The following STARD9 variants were observed in gnomAD, a reference collection of about 807,000 sequenced individuals.
The protein encoded by STARD9 is StAR related lipid transfer domain containing 9.
Under a neutral mutation model 399.8 loss-of-function variants are expected in STARD9, and 346 were observed. That is an observed-to-expected ratio of 0.87 (90% CI 0.79 to 0.95). The LOEUF is 0.95. Ranked by LOEUF, STARD9 falls within the 40% of genes least tolerant of loss-of-function variation. The probability of loss-of-function intolerance (pLI) is 0.00; values close to 1 mark genes in which losing one functional copy is unlikely to be tolerated. For missense variants in STARD9, 5,832 were observed against 5,667.5 expected (o/e 1.03, Z -0.93); for synonymous variants, 2,203 against 2,143.5 (o/e 1.03, Z -0.77).
At chr15:42,620,722 T>G (rs1246499969) in intron 3 of STARD9, among the ~76,000 whole-genome samples, 1 of 139,558 alleles carries the variant, frequency 7.2e-6, no homozygotes, top group Admixed American at 7.1e-5. Context: ...TTTTGTAGAA[T>G]GTCCCTTTTA....
At chr15:42,656,699 T>C (rs926489373) in intron 9 of STARD9, among the ~76,000 whole-genome samples, 1 of 152,198 alleles carries the variant, frequency 6.6e-6, no homozygotes, top group African/African-American at 2.4e-5. Flanking sequence ...TTGGAGACCA[T>C]TATTCTAAGT....
chr15:42,602,516 C>A (rs2058649016), intron 3 of STARD9, among the ~76,000 whole-genome samples: 1 of 152,214 alleles, frequency 6.6e-6, no homozygotes, highest in South Asian at 2.1e-4. Context: ...GCAGGCTGAG[C>A]ACTGACTCAA....
chr15:42,699,614 C>A (rs931678811), intron 26 of STARD9, among the ~76,000 whole-genome samples: 9 of 151,760 alleles, frequency 5.9e-5, no homozygotes, highest in East Asian at 1.9e-4. Flanking sequence ...AGGATGGTCT[C>A]GATTTCCTGA....
In STARD9 at chr15:42,669,312, C is replaced by T; in HGVS notation, c.1472C>T (p.Thr491Ile). The T allele has an allele frequency of 6.5e-7, 1 of 1,531,506 alleles. No homozygotes were observed. The highest frequency in any genetic ancestry group is 8.8e-7 in the Non-Finnish European group (1 of 1,142,214). 94.9% of individuals were successfully genotyped at this position (1,531,506 alleles called of 1,614,324 possible). ...LMALEDDVLS[T>I]GVVLYHLKEG... Reference sequence around the variant, plus strand: ...GCCTTGGAGGATGATGTGCTCAGCACAGGTGTTGTGCTCTATCATCTCAAG... The same window carrying T: ...GCCTTGGAGGATGATGTGCTCAGCATAGGTGTTGTGCTCTATCATCTCAAG... Residue 491 changes from threonine to isoleucine, a missense_variant, in exon 16 of 33, where the codon ACA (threonine) becomes ATA (isoleucine). Physicochemically the swap from Thr to Ile is moderately conservative, Grantham distance 89. Coordinates refer to ENST00000290607, the MANE Select transcript of STARD9 (RefSeq NM_020759.3).
chr15:42,651,712 A>G (rs1327118666), intron 8 of STARD9, among the ~76,000 whole-genome samples: 2 of 152,150 alleles, frequency 1.3e-5, no homozygotes, highest in African/African-American at 4.8e-5. Context: ...TTAATTGAAC[A>G]TAAAGGAAGA....
chr15:42,618,673 C>T (rs914342544), intron 3 of STARD9, among the ~76,000 whole-genome samples: 17 of 151,282 alleles, frequency 1.1e-4, no homozygotes, highest in East Asian at 1.9e-4. Context: ...CTCGGCTCAC[C>T]GCAACCTCTG....
chr15:42,686,187 A>C lies in STARD9; in HGVS notation c.4609A>C (p.Arg1537=). The change falls in exon 23 of 33, where the codon AGG becomes CGG. Residue 1537 remains arginine (R), a synonymous_variant. Transcript: ENST00000290607. ...AGATACTCTATTGCCAGTTGGCCCT[A>C]GGGTATCTAGCAATCTGAATCTCAA... ...GGDTLLPVGP[R]VSSNLNLNNF... 6.5e-7 allele frequency: 1 copy of C among 1,537,538 alleles called. No homozygotes were observed. Among genetic ancestry groups the C allele is most frequent in the Non-Finnish European group, 8.7e-7 (1 of 1,146,954 alleles).
intron 3 of STARD9, among the ~76,000 whole-genome samples, chr15:42,626,443 C>T (rs1284161879): frequency 1.3e-5 from 2 of 151,120 alleles, no homozygotes; most frequent in South Asian, 2.1e-4. Flanking sequence ...TCTTCCTTCT[C>T]CTCCTCCTCT....
chr15:42,664,833 G>A lies in STARD9; in HGVS notation c.1177-420G>A, dbSNP rs185447522. 3.8e-3 allele frequency among the ~76,000 whole-genome samples: 562 copies of A among 149,410 alleles called. 2 individuals carry two copies. The highest frequency in any genetic ancestry group is 0.013 in the African/African-American group (535 of 40,424). ...ACACACACACACACACACCCCATAC[G>A]TACACTGTTTTAAAAAGGCAATGTA... is the stretch of plus-strand genomic sequence containing the variant. On this transcript the variant is annotated intron_variant, in intron 13 of 32. Coordinates refer to ENST00000290607, the MANE Select transcript of STARD9 (RefSeq NM_020759.3).
At chr15:42,662,459 A>G (rs756754616) in intron 10 of STARD9, among the ~76,000 whole-genome samples, 14 of 152,230 alleles carry the variant, frequency 9.2e-5, no homozygotes, top group Admixed American at 2.6e-4. Context: ...AACTATAAAT[A>G]TAGGAATTTA....
rs1466989524 is a variant in STARD9, at chr15:42,693,263, CAG to C, written c.11686_11687del (p.Arg3896GlyfsTer9). On this transcript the variant is annotated frameshift_variant, in exon 23 of 33. Coordinates refer to ENST00000290607, the MANE Select transcript of STARD9 (RefSeq NM_020759.3). LOFTEE classifies it high-confidence loss of function. Reference sequence around the variant, plus strand: ...GCCCCACAAGTGCTTTGTTCGTGGACAGGGCCTCCTCCCCAATCCTCACTCTT... The same window carrying C: ...GCCCCACAAGTGCTTTGTTCGTGGACGGCCTCCTCCCCAATCCTCACTCTT... ...LGPTSALFVD[R>X]ASSPILTLSA... The C allele has an allele frequency of 6.5e-7, 1 of 1,537,076 alleles. No individual in the cohort carries two copies. Among genetic ancestry groups the C allele is most frequent in the Non-Finnish European group, 8.7e-7 (1 of 1,146,866 alleles).
Position 42,718,181 on chromosome 15 carries a change from T to C in STARD9, c.13762+2T>C. On this transcript the variant is annotated splice_donor_variant, in intron 30 of 32. Transcript: ENST00000290607. LOFTEE classifies it high-confidence loss of function. The stretch of plus-strand genomic sequence containing the variant: ...GAGTGACCAACAGCATCAGCCTGGG[T>C]GAGCCCAGGGAAGGAAGGCTTCCAT... 1 of 1,536,082 alleles carries C rather than the reference T, an allele frequency of 6.5e-7. No individual in the cohort carries two copies. Among genetic ancestry groups the C allele is most frequent in the Non-Finnish European group, 8.7e-7 (1 of 1,146,390 alleles).
chr15:42,654,357 TCA>T (rs2059821667), intron 9 of STARD9, among the ~76,000 whole-genome samples: 1 of 149,866 alleles, frequency 6.7e-6, no homozygotes. Flanking sequence ...CACCTTAGAA[TCA>T]CAGACACAGG....
chr15:42,593,779 T>C (rs185405546), intron 3 of STARD9, among the ~76,000 whole-genome samples: 348 of 148,040 alleles, frequency 2.4e-3, no homozygotes, highest in Non-Finnish European at 1.7e-3. Context: ...TTCTCCTGTC[T>C]CAGCCTCCTG....
Position 42,691,206 on chromosome 15 carries a change from C to T in STARD9, c.9628C>T (p.Gln3210Ter). 6.5e-7 allele frequency: 1 copy of T among 1,537,262 alleles called. No homozygotes were observed. The highest frequency in any genetic ancestry group is 1.2e-5 in the South Asian group (1 of 84,054). The stretch of plus-strand genomic sequence containing the variant: ...CAGCCCCCAGGAAGACAGTCCCTGG[C>T]AGGAAGAAGAGCAGCACAGAGACCA... ...TCSPQEDSPW[Q>*]EEEQHRDQAS... The change falls in exon 23 of 33, where the codon CAG (glutamine) becomes TAG (stop). Residue 3210 changes from glutamine to a stop codon, truncating the protein, a stop_gained. Coordinates refer to ENST00000290607, the MANE Select transcript of STARD9 (RefSeq NM_020759.3). LOFTEE classifies it high-confidence loss of function.
intron 26 of STARD9, among the ~76,000 whole-genome samples, chr15:42,709,355 T>A (rs1010836118): frequency 6.6e-5 from 10 of 152,104 alleles, no homozygotes; most frequent in Admixed American, 6.6e-4. Context: ...CATGATTACA[T>A]CATTGGCCTT....
chr15:42,610,651 C>T (rs1310376470), intron 3 of STARD9, among the ~76,000 whole-genome samples: 1 of 152,092 alleles, frequency 6.6e-6, no homozygotes, highest in African/African-American at 2.4e-5. Context: ...CGGGTTCAAG[C>T]TTCTCCTGCC....
Position 42,687,399 on chromosome 15 carries a change from G to A in STARD9, c.5821G>A (p.Gly1941Arg), listed in dbSNP as rs753906237. 15 of 1,536,728 alleles carry A rather than the reference G, an allele frequency of 9.8e-6. No individual in the cohort carries two copies. The African/African-American group carries it at 1.6e-4, about 17-fold the overall frequency. Residue 1941 changes from glycine (G) to arginine (R), a missense_variant, in exon 23 of 33, where the codon GGG becomes AGG. Gly to Arg is a moderately radical substitution (Grantham distance 125, BLOSUM62 -2). This residue lies in a region of STARD9 where 5,828 missense variants were observed against 5,651.1 expected (regional missense o/e 1.03). Coordinates refer to ENST00000290607, the MANE Select transcript of STARD9 (RefSeq NM_020759.3). Reference protein sequence around the residue: ...INVSLEKDMPGESAVSLKSRS... With the variant: ...INVSLEKDMPRESAVSLKSRS... ...TGTAAGCCTTGAGAAAGACATGCCA[G>A]GGGAAAGTGCTGTTTCTTTGAAATC...
At chr15:42,581,667 C>T (rs1422709902) in intron 1 of STARD9, among the ~76,000 whole-genome samples, 4 of 106,256 alleles carry the variant, frequency 3.8e-5, no homozygotes, top group Admixed American at 2.9e-4. Flanking sequence ...CGCCAGCAGC[C>T]TCAGCAGCAG....
Sources: gnomAD v4.1 joint callset for allele counts (sites outside exome capture counted in the v4.1 genomes callset) on GRCh38, gnomAD v4.1.1 for gene constraint, gnomAD v4.1.1 regional missense constraint, MANE v1.5 for transcripts, NCBI Gene and HGNC (gene_info 2026-07-23, HGNC 2026-07-21) for gene names.